Variants in NBAS observed in about 807,000 individuals in gnomAD.
The protein encoded by NBAS is NAG/BC035112 fusion.
In NBAS, 219 loss-of-function variants were observed where a neutral mutation model predicts 302.5. The observed-to-expected ratio is 0.72, with a 90% CI of 0.65 to 0.81. The LOEUF (loss-of-function observed/expected upper bound fraction) is 0.81, where lower values mean the gene tolerates loss of function less well. NBAS is among the 30% of genes least tolerant of loss of function. The pLI is 0.00. For missense variants in NBAS, 2,932 were observed against 2,841.6 expected (o/e 1.03, Z -0.72); for synonymous variants, 1,118 against 1,021.6 (o/e 1.09, Z -1.80).
intron 38 of NBAS, among the ~76,000 whole-genome samples, chr2:15,318,077 G>A (rs928207658): frequency 6.6e-6 from 1 of 152,204 alleles, no homozygotes; most frequent in Non-Finnish European, 1.5e-5. Context: ...AACCAGAAGA[G>A]AGTGGGGGCC....
chr2:15,131,722 T>C, the NBAS span, among the ~76,000 whole-genome samples: 22 of 152,152 alleles, frequency 1.4e-4, no homozygotes, highest in Admixed American at 2.6e-4. Flanking sequence ...AGACTGGTAA[T>C]TTATAAAGAA....
chr2:14,951,157 T>A, the NBAS span, among the ~76,000 whole-genome samples: 4 of 152,296 alleles, frequency 2.6e-5, no homozygotes, highest in East Asian at 7.7e-4. Context: ...AGTTTCACCC[T>A]CCAGTTTGCC....
intron 42 of NBAS, among the ~76,000 whole-genome samples, chr2:15,282,180 A>G (rs1669854315): frequency 6.6e-6 from 1 of 152,158 alleles, no homozygotes; most frequent in Non-Finnish European, 1.5e-5. Flanking sequence ...CATCTAAGTT[A>G]CCTTAAATCC....
the NBAS span, among the ~76,000 whole-genome samples, chr2:14,922,419 A>G: frequency 6.6e-6 from 1 of 152,214 alleles, no homozygotes; most frequent in Non-Finnish European, 1.5e-5. Context: ...AAAAACAGAC[A>G]TCTCTTTCCT....
rs146449593 is a variant in NBAS at position 15,292,651 on chromosome 2, C to T, written c.4913G>A (p.Arg1638His). 6,884 of 1,614,166 alleles carry T rather than the reference C, an allele frequency of 4.3e-3. 26 individuals are homozygous for T. Among genetic ancestry groups the T allele is most frequent in the Non-Finnish European group, 5.3e-3 (6,260 of 1,180,026 alleles). Residue 1638 changes from arginine (R) to histidine (H), a missense_variant, in exon 41 of 52, where the codon CGT becomes CAT. Arg to His is a conservative substitution (Grantham distance 29, BLOSUM62 0). Transcript: ENST00000281513. The part of the protein sequence containing the change: ...LTKQLHCYNE[R>H]LLDFTQAQIL... ...CTGCGCCTGAGTGAAATCCAGGAGACGTTCATTGTAGCAGTGTAACTGCTT... is the reference window on the plus strand; with the variant it reads ...CTGCGCCTGAGTGAAATCCAGGAGATGTTCATTGTAGCAGTGTAACTGCTT...
At chr2:15,265,668 T>C (rs1173797239) in intron 44 of NBAS, among the ~76,000 whole-genome samples, 2 of 152,188 alleles carry the variant, frequency 1.3e-5, no homozygotes, top group Admixed American at 6.5e-5. Flanking sequence ...ATACTTACTA[T>C]GGCCCATGCA....
At position 15,440,831 on chromosome 2, in the gene NBAS, G is replaced by A. The variant is rs558629510; in HGVS notation, c.2340-13037C>T. 3.9e-4 allele frequency among the ~76,000 whole-genome samples: 60 copies of A among 152,046 alleles called. 1 individual carries two copies. The East Asian group carries it at 7.4e-3, about 19-fold the overall frequency. ...CTTAAAGGAGCTGATGGAGCTGAAA[G>A]CCAAGGCTGGAGAACTACGTGAAGA... On this transcript the variant is annotated intron_variant, in intron 21 of 51. Transcript: ENST00000281513.
chr2:15,511,554 C>T (rs969375846), intron 9 of NBAS, among the ~76,000 whole-genome samples: 3 of 151,992 alleles, frequency 2.0e-5, no homozygotes, highest in Admixed American at 6.6e-5. Context: ...TATACTAAGG[C>T]TTAAATATTC....
rs926066735 is a variant in NBAS, at chr2:15,536,266, G to C, written c.647+152C>G. The C allele has an allele frequency of 6.0e-5, 49 of 819,106 alleles. No homozygotes were observed. In the Middle Eastern group the frequency reaches 1.1e-3, roughly 18 times the overall value. The allele number at this position is 819,106 out of a possible 1,614,324, so 50.7% of individuals were successfully genotyped here. On this transcript the variant is annotated intron_variant, in intron 8 of 51. Coordinates refer to ENST00000281513, the MANE Select transcript of NBAS (RefSeq NM_015909.4). ...TTGTAGAACCCAAGTGGAAGTAATG[G>C]GTGTTCACCACACCACTCTTTCAAA... is the stretch of plus-strand genomic sequence containing the variant.
the NBAS span, among the ~76,000 whole-genome samples, chr2:15,099,082 C>T: frequency 6.6e-6 from 1 of 152,078 alleles, no homozygotes; most frequent in Non-Finnish European, 1.5e-5. Context: ...TGCGGCAGGC[C>T]TCCCGAAGTC....
intron 44 of NBAS, among the ~76,000 whole-genome samples, chr2:15,241,333 T>C (rs903230029): frequency 2.0e-5 from 3 of 152,126 alleles, no homozygotes; most frequent in Non-Finnish European, 2.9e-5. Flanking sequence ...GGCTACAGAA[T>C]AGGGATAGGC....
At chr2:15,513,941 T>A (rs925481169) in intron 9 of NBAS, among the ~76,000 whole-genome samples, 1 of 152,052 alleles carries the variant, frequency 6.6e-6, no homozygotes, top group Non-Finnish European at 1.5e-5. Context: ...GAGCCATAAT[T>A]GTGCCACTGA....
the NBAS span, among the ~76,000 whole-genome samples, chr2:15,080,848 C>T: frequency 1.3e-5 from 2 of 152,142 alleles, no homozygotes; most frequent in African/African-American, 4.8e-5. Context: ...TTCAAATATC[C>T]GGGAAGTACA....
chr2:14,845,663 G>A, the NBAS span, among the ~76,000 whole-genome samples: 36 of 152,166 alleles, frequency 2.4e-4, no homozygotes, highest in Admixed American at 1.8e-3. Context: ...TCAAGATAAC[G>A]CAAAGAAGAA....
At chr2:14,784,248 G>T in the NBAS span, among the ~76,000 whole-genome samples, 8 of 151,986 alleles carry the variant, frequency 5.3e-5, no homozygotes, top group African/African-American at 1.9e-4. Flanking sequence ...TTGTGAAAAT[G>T]TTCTCCCATT....
chr2:14,838,531 CAGA>C, the NBAS span, among the ~76,000 whole-genome samples: 9 of 151,958 alleles, frequency 5.9e-5, no homozygotes, highest in African/African-American at 1.9e-4. Context: ...ATTTCAGTGC[CAGA>C]AGGTCTTGTG....
chr2:15,370,410 A>G (rs1013027432), intron 31 of NBAS, among the ~76,000 whole-genome samples: 3 of 152,176 alleles, frequency 2.0e-5, no homozygotes, highest in Non-Finnish European at 4.4e-5. Flanking sequence ...CTCCTGCCTC[A>G]GCACTCCAAG....
intron 35 of NBAS, among the ~76,000 whole-genome samples, chr2:15,331,216 T>A (rs193061827): frequency 9.6e-4 from 146 of 152,272 alleles, no homozygotes; most frequent in African/African-American, 3.4e-3. Flanking sequence ...CAATCAACCT[T>A]TAACTATTAA....
intron 10 of NBAS, among the ~76,000 whole-genome samples, 190 bp downstream of exon 10, chr2:15,511,022 A>C (rs1662110618): frequency 6.6e-6 from 1 of 152,228 alleles, no homozygotes; most frequent in African/African-American, 2.4e-5. Flanking sequence ...AATTATTCCA[A>C]GTTAAATACA....
Sources: allele counts gnomAD v4.1 joint callset (sites outside exome capture counted in the v4.1 genomes callset), GRCh38; gene constraint gnomAD v4.1.1; transcripts MANE v1.5; gene names NCBI Gene and HGNC (gene_info 2026-07-23, HGNC 2026-07-21).